CPT1A: variants seen among roughly 807,000 people sequenced by gnomAD.
CPT1A encodes carnitine palmitoyltransferase 1A, also known as carnitine O-palmitoyltransferase 1, liver isoform.
In CPT1A, 64 loss-of-function variants were observed where a neutral mutation model predicts 100.8. That is an observed-to-expected ratio of 0.63 (90% CI 0.52 to 0.78). The LOEUF is 0.78. CPT1A is among the 30% of genes least tolerant of loss of function. The probability of loss-of-function intolerance (pLI) is 0.00; values close to 1 mark genes in which losing one functional copy is unlikely to be tolerated. For missense variants in CPT1A, 802 were observed against 1,034.1 expected, an observed-to-expected ratio of 0.78 and a Z score of 3.08; for synonymous variants, 363 against 396.0, an observed-to-expected ratio of 0.92 and a Z score of 0.99.
chr11:68,841,188 A>G lies in CPT1A; in HGVS notation c.-14+587T>C, dbSNP rs565278644. Among the ~76,000 whole-genome samples, 182 of 152,184 alleles carry G rather than the reference A, an allele frequency of 1.2e-3. 2 individuals carry two copies. The East Asian group carries it at 0.032, about 27-fold the overall frequency. ...GGCCGAGCACCCCTCCCTCAGCCGCACTGCACCTGCCCGTAGGTGACCAAC... is the reference window on the plus strand; with the variant it reads ...GGCCGAGCACCCCTCCCTCAGCCGCGCTGCACCTGCCCGTAGGTGACCAAC... On this transcript the variant is annotated intron_variant, in intron 1 of 18. Transcript: ENST00000265641. The surrounding 1 kb of genome is among the most constrained non-coding windows in gnomAD (Gnocchi z 6.3).
At chr11:68,817,726 G>A (rs1856470214) in intron 1 of CPT1A, among the ~76,000 whole-genome samples, 1 of 143,236 alleles carries the variant, frequency 7.0e-6, no homozygotes, top group Non-Finnish European at 1.5e-5. Flanking sequence ...AGGGCAGGGT[G>A]GCTGGGGGTC....
chr11:68,785,563 G>GAAAA (rs377721687), intron 9 of CPT1A, among the ~76,000 whole-genome samples: 1 of 51,114 alleles, frequency 2.0e-5, no homozygotes, highest in Non-Finnish European at 3.7e-5. Flanking sequence ...TCCATCTCAG[G>GAAAA]AAAAAAAAAA....
intron 8 of CPT1A, among the ~76,000 whole-genome samples, chr11:68,794,389 T>C (rs1168650381): frequency 1.3e-5 from 2 of 152,194 alleles, no homozygotes; most frequent in African/African-American, 4.8e-5. Flanking sequence ...ACATCAGAAG[T>C]TAGCAAACTC....
At chr11:68,816,323 C>T (rs1260327386) in intron 1 of CPT1A, among the ~76,000 whole-genome samples, 3 of 152,168 alleles carry the variant, frequency 2.0e-5, no homozygotes, top group Non-Finnish European at 4.4e-5. Flanking sequence ...GAGTCATATG[C>T]GCAGACACCT....
chr11:68,824,893 G>C (rs1371155211), intron 1 of CPT1A, among the ~76,000 whole-genome samples: 1 of 149,838 alleles, frequency 6.7e-6, no homozygotes, highest in African/African-American at 2.5e-5. Flanking sequence ...TTGCCTCCCG[G>C]GTTCAAGCAA....
intron 12 of CPT1A, among the ~76,000 whole-genome samples, chr11:68,777,145 C>T (rs1305847076): frequency 6.6e-6 from 1 of 152,102 alleles, no homozygotes; most frequent in African/African-American, 2.4e-5. Context: ...AAATCAAGAG[C>T]AAGACCGGGT....
At chr11:68,829,646 T>C (rs750776779) in intron 1 of CPT1A, among the ~76,000 whole-genome samples, 1 of 152,176 alleles carries the variant, frequency 6.6e-6, no homozygotes, top group Non-Finnish European at 1.5e-5. Flanking sequence ...CCACAAATCA[T>C]CGCGGAGCCC....
At chr11:68,787,114 C>T (rs1855484596) in intron 9 of CPT1A, among the ~76,000 whole-genome samples, 1 of 152,112 alleles carries the variant, frequency 6.6e-6, no homozygotes, top group Non-Finnish European at 1.5e-5. Context: ...TCCAAGAAAA[C>T]CTATCAGCTG....
intron 2 of CPT1A, among the ~76,000 whole-genome samples, chr11:68,814,021 GC>G (rs1477129358): frequency 3.3e-5 from 5 of 152,186 alleles, no homozygotes; most frequent in African/African-American, 1.2e-4. Flanking sequence ...CTTCAGTGCC[GC>G]CCTCGGAGAA....
intron 1 of CPT1A, among the ~76,000 whole-genome samples, chr11:68,829,773 G>A (rs1393211747): frequency 6.6e-6 from 1 of 152,106 alleles, no homozygotes; most frequent in African/African-American, 2.4e-5. Flanking sequence ...TCCTTGCTGT[G>A]TGCCCCTGGG....
intron 10 of CPT1A, among the ~76,000 whole-genome samples, chr11:68,782,988 G>A (rs1384606683): frequency 6.6e-6 from 1 of 152,142 alleles, no homozygotes; most frequent in African/African-American, 2.4e-5. Context: ...GGCTCCCCAC[G>A]TCTCCTCCGC....
At chr11:68,838,582 A>AAAAACAAAAAAAAAC (rs59901493) in intron 1 of CPT1A, among the ~76,000 whole-genome samples, 2,181 of 145,376 alleles carry the variant, frequency 0.015, 142 homozygotes, top group African/African-American at 0.053. Context: ...TAAAAAAAAA[A>AAAAACAAAAAAAAAC]AAAAAAAAAC....
chr11:68,826,773 C>T (rs1371870373), intron 1 of CPT1A, among the ~76,000 whole-genome samples: 1 of 151,846 alleles, frequency 6.6e-6, no homozygotes, highest in Non-Finnish European at 1.5e-5. Context: ...CTCAGCGTGA[C>T]TTTCTGTAAC....
In CPT1A at chr11:68,786,494, G is replaced by A. The variant is rs117355907; in HGVS notation, c.968-1484C>T. ...AGGAAGTGATGTTTAAGAAGAACCC[G>A]GCCAGATGAAGAACAGAATTAATCA... On this transcript the variant is annotated intron_variant, in intron 9 of 18. Coordinates refer to ENST00000265641, the MANE Select transcript of CPT1A (RefSeq NM_001876.4). Among the ~76,000 whole-genome samples, 485 of 152,276 alleles carry A rather than the reference G, an allele frequency of 3.2e-3. 2 individuals are homozygous for A. The highest frequency in any genetic ancestry group is 0.011 in the African/African-American group (464 of 41,562).
chr11:68,844,091 G>T (rs1395946153), upstream of CPT1A: 1 of 152,298 alleles, frequency 6.6e-6, no homozygotes, highest in Non-Finnish European at 1.5e-5. Flanking sequence ...CTGCAGGCCG[G>T]GCGGGGCAGG....
In CPT1A at chr11:68,816,976, TG is replaced by T. The variant is rs367736741; in HGVS notation, c.-13-1490del. On this transcript the variant is annotated intron_variant, in intron 1 of 18. Transcript: ENST00000265641. ...TGGTGTGTATGGTGTGTGTGTGGTG[TG>T]GGGGGGTGCGTGGGTGTGTGTGTGG... Among the ~76,000 whole-genome samples the T allele has an allele frequency of 3.5e-3, 280 of 80,802 alleles. 2 individuals are homozygous for T. The highest frequency in any genetic ancestry group is 0.01 in the African/African-American group (198 of 19,724). 53.0% of individuals were successfully genotyped at this position (80,802 alleles called of 152,430 possible).
Position 68,760,301 on chromosome 11 carries a change from G to T in CPT1A, c.2066C>A (p.Thr689Asn). The T allele has an allele frequency of 1.9e-6, 3 of 1,612,830 alleles. No homozygotes were observed. Among genetic ancestry groups the T allele is most frequent in the Non-Finnish European group, 2.5e-6 (3 of 1,179,624 alleles). ...SEPWRLSTSQ[T>N]PQQQVELFDL... is the part of the protein sequence containing the mutation. ...AAACAGCTCCACTTGCTGCTGAGGG[G>T]TCTGGCTTGTTGATAATCTCCAAGG... The change falls in exon 17 of 19, where the codon ACC becomes AAC. Residue 689 changes from threonine to asparagine, a missense_variant. This residue lies in a region of CPT1A where 627 missense variants were observed against 799.3 expected (regional missense o/e 0.78). Transcript: ENST00000265641.
chr11:68,818,006 C>G (rs1246364605), intron 1 of CPT1A, among the ~76,000 whole-genome samples: 1 of 152,004 alleles, frequency 6.6e-6, no homozygotes, highest in East Asian at 1.9e-4. Context: ...GGAGAAGCAT[C>G]CAAGGGCCCA....
upstream of CPT1A, among the ~76,000 whole-genome samples, chr11:68,842,407 C>T (rs1857180581): frequency 6.6e-6 from 1 of 151,948 alleles, no homozygotes. Flanking sequence ...GAGTTCGAGG[C>T]CAGCCTGGGC....
Sources: allele counts gnomAD v4.1 joint callset (sites outside exome capture counted in the v4.1 genomes callset), GRCh38; gene constraint gnomAD v4.1.1; regional missense constraint gnomAD v4.1.1; non-coding constraint Gnocchi (gnomAD v3.1); transcripts MANE v1.5; gene names NCBI Gene and HGNC (gene_info 2026-07-23, HGNC 2026-07-21).